Variants in GATAD2A observed in about 807,000 individuals in gnomAD.
GATAD2A encodes transcriptional repressor p66-alpha.
A neutral mutation model predicts 68.5 loss-of-function variants in GATAD2A; 12 were observed. The ratio of observed to expected loss-of-function variants is 0.18; its 90% CI spans 0.11 to 0.28. GATAD2A has a LOEUF of 0.28. Ranked by LOEUF, GATAD2A falls within the 10% of genes least tolerant of loss-of-function variation. The probability of loss-of-function intolerance (pLI) is 1.00; values close to 1 mark genes in which losing one functional copy is unlikely to be tolerated. For synonymous variants in GATAD2A, 410 were observed against 375.3 expected, an observed-to-expected ratio of 1.09 and a Z score of -1.07; for missense variants, 755 against 868.5, an observed-to-expected ratio of 0.87 and a Z score of 1.64.
chr19:19,480,120 T>C (rs966265824), intron 2 of GATAD2A, among the ~76,000 whole-genome samples: 1 of 152,270 alleles, frequency 6.6e-6, no homozygotes. Context: ...AGCCTACTCT[T>C]GAGGAATGGG....
chr19:19,404,448 A>G (rs967970576), upstream of GATAD2A, among the ~76,000 whole-genome samples: 4 of 152,072 alleles, frequency 2.6e-5, no homozygotes, highest in Non-Finnish European at 5.9e-5. Flanking sequence ...TGGGAGGCCG[A>G]TGCGAACAGA....
At chr19:19,505,065 C>A (rs1012776172) in intron 11 of GATAD2A, among the ~76,000 whole-genome samples, 1 of 152,238 alleles carries the variant, frequency 6.6e-6, no homozygotes, top group African/African-American at 2.4e-5. Context: ...TTCTGTAGAA[C>A]GTAGGTAGCT....
chr19:19,438,217 G>T (rs1007273845), intron 1 of GATAD2A, among the ~76,000 whole-genome samples: 6 of 152,214 alleles, frequency 3.9e-5, no homozygotes, highest in African/African-American at 1.4e-4. Context: ...GGGACTCAGA[G>T]TCACAAAGCC....
upstream of GATAD2A, among the ~76,000 whole-genome samples, chr19:19,401,460 T>A (rs923840238): frequency 4.6e-5 from 7 of 151,910 alleles, no homozygotes; most frequent in African/African-American, 1.7e-4. Context: ...TGATCCACCC[T>A]CCTTGGCCTC....
At chr19:19,412,605 C>T (rs1019132907) in intron 1 of GATAD2A, among the ~76,000 whole-genome samples, 2 of 152,028 alleles carry the variant, frequency 1.3e-5, no homozygotes, top group Non-Finnish European at 2.9e-5. Flanking sequence ...GCACTCCAGC[C>T]TGGGCGACAG....
At chr19:19,438,521 A>T (rs1001730038) in intron 1 of GATAD2A, among the ~76,000 whole-genome samples, 1 of 152,190 alleles carries the variant, frequency 6.6e-6, no homozygotes, top group Non-Finnish European at 1.5e-5. Context: ...GGCTGGCTGT[A>T]GTTTCTCCTA....
At chr19:19,407,823 T>C (rs989811879) in intron 1 of GATAD2A, among the ~76,000 whole-genome samples, 1 of 152,234 alleles carries the variant, frequency 6.6e-6, no homozygotes. Flanking sequence ...GGAAACAGTT[T>C]ATAGGATGTG....
rs2060913692 is a variant in GATAD2A at position 19,507,456 on chromosome 19, C to T, written c.*1982C>T. Reference sequence around the variant, plus strand: ...TGAAAGCCCTCCCCAGCGAACCAACCTCAGTTCTATGCAGTGGCTGGGGAT... The same window carrying T: ...TGAAAGCCCTCCCCAGCGAACCAACTTCAGTTCTATGCAGTGGCTGGGGAT... On this transcript the variant is annotated 3_prime_UTR_variant, in exon 12 of 12. Transcript: ENST00000683918. The T allele has an allele frequency of 6.6e-6, 1 of 152,352 alleles. No individual in the cohort carries two copies. The allele number at this position is 152,352 out of a possible 1,614,324, so 9.4% of individuals were successfully genotyped here.
In GATAD2A at chr19:19,498,661, C is replaced by T. The variant is rs754346999; in HGVS notation, c.1143C>T (p.Asn381=). 1.2e-6 allele frequency: 2 copies of T among 1,613,850 alleles called. No homozygotes were observed. The highest frequency in any genetic ancestry group is 2.7e-5 in the African/African-American group (2 of 74,960). The change falls in exon 8 of 12, where the codon AAC becomes AAT. Residue 381 remains asparagine (N), a synonymous_variant. Transcript: ENST00000683918. ...TGAACTTCCTGCCCAGCGCCGCCAA[C>T]AACGAGTTCATCTACCTGGTCGGCC... ...PEMNFLPSAA[N]NEFIYLVGLE...
At chr19:19,403,006 C>A (rs907915671), upstream of GATAD2A, among the ~76,000 whole-genome samples, 2 of 151,988 alleles carry the variant, frequency 1.3e-5, no homozygotes, top group Non-Finnish European at 2.9e-5. Flanking sequence ...CTCCTGACCT[C>A]AGGTGATCCA....
chr19:19,478,833 A>C (rs577296240), intron 2 of GATAD2A, among the ~76,000 whole-genome samples: 19 of 152,070 alleles, frequency 1.2e-4, no homozygotes, highest in African/African-American at 3.1e-4. Context: ...ACAAAAAAAA[A>C]CCTATTATTA....
At chr19:19,496,576 G>T (rs985539836) in intron 7 of GATAD2A, among the ~76,000 whole-genome samples, 14 of 152,224 alleles carry the variant, frequency 9.2e-5, no homozygotes, top group Admixed American at 6.5e-4. Flanking sequence ...AGGAGAGGCC[G>T]GTGATGGGCC....
At chr19:19,503,343 G>T (rs960928922) in intron 11 of GATAD2A, among the ~76,000 whole-genome samples, 1 of 152,068 alleles carries the variant, frequency 6.6e-6, no homozygotes, top group Non-Finnish European at 1.5e-5. Flanking sequence ...GGTGGGGGGA[G>T]CCTGAGAGCC....
intron 1 of GATAD2A, among the ~76,000 whole-genome samples, chr19:19,458,138 TAAG>T (rs987445944): frequency 2.0e-5 from 3 of 152,212 alleles, no homozygotes; most frequent in Non-Finnish European, 4.4e-5. Flanking sequence ...CACCAAGGGT[TAAG>T]AACCCAGCGT....
At chr19:19,484,211 C>A (rs896379945) in intron 2 of GATAD2A, among the ~76,000 whole-genome samples, 2 of 152,146 alleles carry the variant, frequency 1.3e-5, no homozygotes, top group South Asian at 4.1e-4. Context: ...GAGCCATGAT[C>A]GTGCCACTGT....
chr19:19,468,846 TAAAG>T (rs1034080513), intron 2 of GATAD2A, among the ~76,000 whole-genome samples: 11 of 152,232 alleles, frequency 7.2e-5, no homozygotes, highest in African/African-American at 2.2e-4. Context: ...TGAGAAGAAA[TAAAG>T]AACACTGGAA....
chr19:19,399,114 C>G (rs1364286551), intron 1 of GATAD2A, among the ~76,000 whole-genome samples: 2 of 152,134 alleles, frequency 1.3e-5, no homozygotes, highest in Non-Finnish European at 2.9e-5. Flanking sequence ...ATCTCAGCTA[C>G]TTGGGAGGCT....
intron 1 of GATAD2A, chr19:19,457,312 C>T (rs2057023022): frequency 5.9e-6 from 5 of 841,498 alleles, no homozygotes; most frequent in African/African-American, 1.8e-5. Context: ...CTTCCATAGC[C>T]CCAGGCAGGG....
In GATAD2A at chr19:19,495,865, C is replaced by T; in HGVS notation, c.736C>T (p.Pro246Ser). 1 of 1,613,020 alleles carries T rather than the reference C, an allele frequency of 6.2e-7. No individual in the cohort carries two copies. The highest frequency in any genetic ancestry group is 8.5e-7 in the Non-Finnish European group (1 of 1,179,580). Residue 246 changes from proline to serine, a missense_variant, in exon 6 of 12, where the codon CCA becomes TCA. By Grantham distance (74) the Pro-to-Ser change is moderately conservative. Coordinates refer to ENST00000683918, the MANE Select transcript of GATAD2A (RefSeq NM_001384528.1). ...PQASSQVVMPPLVRGAQQIHS... is the reference protein window; with the variant it reads ...PQASSQVVMPSLVRGAQQIHS... The stretch of plus-strand genomic sequence containing the variant: ...GGCGAGCTCACAGGTCGTCATGCCC[C>T]CACTCGTCAGGGGGGCTCAGGTAAG...
Sources: allele counts gnomAD v4.1 joint callset (sites outside exome capture counted in the v4.1 genomes callset), GRCh38; gene constraint gnomAD v4.1.1; transcripts MANE v1.5; gene names NCBI Gene and HGNC (gene_info 2026-07-23, HGNC 2026-07-21).